Variants in TMEM132D observed in about 807,000 individuals in gnomAD.
The protein encoded by TMEM132D is mature OL transmembrane protein.
In TMEM132D, 21 loss-of-function variants were observed where a neutral mutation model predicts 62.3. The observed-to-expected ratio is 0.34, with a 90% confidence interval of 0.24 to 0.49. The LOEUF is 0.49. Ranked by LOEUF, TMEM132D falls within the 20% of genes least tolerant of loss-of-function variation. TMEM132D has a pLI of 0.99. For synonymous variants in TMEM132D, 621 were observed against 575.6 expected (o/e 1.08, Z -1.13); for missense variants, 1,346 against 1,402.8 (o/e 0.96, Z 0.65).
chr12:129,363,904 G>A (rs1307239224), intron 3 of TMEM132D, among the ~76,000 whole-genome samples: 1 of 152,186 alleles, frequency 6.6e-6, no homozygotes, highest in Non-Finnish European at 1.5e-5. Flanking sequence ...AAAGCCACAG[G>A]GAAAAAGGAT....
intron 5 of TMEM132D, among the ~76,000 whole-genome samples, chr12:129,163,956 C>G (rs58191894): frequency 5.3e-5 from 8 of 152,190 alleles, no homozygotes; most frequent in African/African-American, 1.9e-4. Context: ...AAGTTGATAC[C>G]AAATTATTGT....
At chr12:129,688,131 G>C (rs1195419878) in intron 2 of TMEM132D, among the ~76,000 whole-genome samples, 1 of 152,178 alleles carries the variant, frequency 6.6e-6, no homozygotes, top group Non-Finnish European at 1.5e-5. Flanking sequence ...ATCCTGAAAA[G>C]AGAATTCATG....
intron 3 of TMEM132D, among the ~76,000 whole-genome samples, chr12:129,446,443 C>T (rs549525638): frequency 1.3e-5 from 2 of 152,232 alleles, no homozygotes; most frequent in African/African-American, 2.4e-5. Flanking sequence ...ATGGAGAATA[C>T]GATGTCTCAG....
At chr12:129,575,389 T>C (rs1411246657) in intron 2 of TMEM132D, among the ~76,000 whole-genome samples, 1 of 151,792 alleles carries the variant, frequency 6.6e-6, no homozygotes, top group Non-Finnish European at 1.5e-5. Context: ...CTGAAATAAT[T>C]TATTGCCACT....
intron 3 of TMEM132D, among the ~76,000 whole-genome samples, chr12:129,384,308 T>C (rs996584217): frequency 6.6e-6 from 1 of 152,138 alleles, no homozygotes; most frequent in Non-Finnish European, 1.5e-5. Flanking sequence ...TGGCAACACA[T>C]TGTGTCACAG....
At chr12:129,215,595 C>T (rs886509321) in intron 4 of TMEM132D, among the ~76,000 whole-genome samples, 7 of 152,116 alleles carry the variant, frequency 4.6e-5, no homozygotes, top group East Asian at 1.9e-4. Flanking sequence ...GGAGTTAAAC[C>T]GCATCTTGTG....
At chr12:129,577,692 CT>C (rs1260217486) in intron 2 of TMEM132D, among the ~76,000 whole-genome samples, 3 of 149,590 alleles carry the variant, frequency 2.0e-5, no homozygotes, top group Admixed American at 2.0e-4. Flanking sequence ...TCATGCGCAA[CT>C]TTTTTCAATT....
intron 2 of TMEM132D, among the ~76,000 whole-genome samples, chr12:129,662,533 G>A (rs1402668280): frequency 2.6e-5 from 4 of 152,122 alleles, no homozygotes; most frequent in East Asian, 1.9e-4. Flanking sequence ...GATGGCTCAC[G>A]CCCATTATCC....
intron 1 of TMEM132D, among the ~76,000 whole-genome samples, chr12:129,874,502 T>G (rs538430244): frequency 1.3e-5 from 2 of 152,004 alleles, no homozygotes; most frequent in East Asian, 3.9e-4. Flanking sequence ...TGGTAATCAT[T>G]TCACAATGCA....
chr12:129,717,303 T>A (rs1334669383), intron 1 of TMEM132D, among the ~76,000 whole-genome samples: 2 of 152,216 alleles, frequency 1.3e-5, no homozygotes, highest in Non-Finnish European at 2.9e-5. Context: ...TTCTGTGCTC[T>A]CTTTCATATT....
At chr12:129,889,091 T>A (rs1188954780) in intron 1 of TMEM132D, among the ~76,000 whole-genome samples, 1 of 152,144 alleles carries the variant, frequency 6.6e-6, no homozygotes, top group East Asian at 1.9e-4. Flanking sequence ...TTTGTCTAGA[T>A]GAGGGAGAGT....
intron 3 of TMEM132D, among the ~76,000 whole-genome samples, chr12:129,408,607 C>T (rs1225586023): frequency 6.6e-6 from 1 of 151,252 alleles, no homozygotes; most frequent in Non-Finnish European, 1.5e-5. Context: ...TTTTTATATA[C>T]CATTGAGAGC....
At chr12:129,233,544 G>C (rs1045423129) in intron 4 of TMEM132D, among the ~76,000 whole-genome samples, 1 of 152,192 alleles carries the variant, frequency 6.6e-6, no homozygotes, top group African/African-American at 2.4e-5. Flanking sequence ...AGAACAAGGT[G>C]ATTATGTCAA....
intron 2 of TMEM132D, among the ~76,000 whole-genome samples, chr12:129,583,642 T>C (rs972608099): frequency 3.9e-5 from 6 of 152,118 alleles, no homozygotes; most frequent in African/African-American, 1.2e-4. Flanking sequence ...ATGAATGCTA[T>C]GAAGAAAATA....
At chr12:129,668,168 T>C (rs931426340) in intron 2 of TMEM132D, among the ~76,000 whole-genome samples, 5 of 150,206 alleles carry the variant, frequency 3.3e-5, no homozygotes, top group African/African-American at 1.2e-4. Context: ...TGTATAAATA[T>C]GTTATTAGTA....
intron 5 of TMEM132D, among the ~76,000 whole-genome samples, chr12:129,134,711 G>T (rs1593272381): frequency 6.6e-6 from 1 of 152,310 alleles, no homozygotes; most frequent in South Asian, 2.1e-4. Context: ...CAGACAGACT[G>T]GGTTTGAGGC....
chr12:129,654,430 C>T (rs1404887159), intron 2 of TMEM132D, among the ~76,000 whole-genome samples: 4 of 151,894 alleles, frequency 2.6e-5, no homozygotes, highest in Admixed American at 6.6e-5. Context: ...AAAGATGTAC[C>T]GTATAACTCT....
At chr12:129,565,563 A>G (rs1021448788) in intron 2 of TMEM132D, among the ~76,000 whole-genome samples, 2 of 152,208 alleles carry the variant, frequency 1.3e-5, no homozygotes, top group African/African-American at 4.8e-5. Context: ...CTAACTTTAG[A>G]AAGCCCTTGG....
chr12:129,715,744 A>G (rs895139740), intron 1 of TMEM132D, among the ~76,000 whole-genome samples: 2 of 152,246 alleles, frequency 1.3e-5, no homozygotes, highest in African/African-American at 4.8e-5. Flanking sequence ...GCTTATTTAC[A>G]TCTATATGAG....
Sources: gnomAD v4.1 joint callset for allele counts (sites outside exome capture counted in the v4.1 genomes callset) on GRCh38, gnomAD v4.1.1 for gene constraint, MANE v1.5 for transcripts, NCBI Gene and HGNC (gene_info 2026-07-23, HGNC 2026-07-21) for gene names.